The following HCFC2 variants were observed in gnomAD, a reference collection of about 807,000 sequenced individuals.
HCFC2 encodes host cell factor 2.
In HCFC2, 18 loss-of-function variants were observed where a neutral mutation model predicts 89.2. That is an observed-to-expected ratio of 0.20 (90% confidence interval 0.14 to 0.30). The LOEUF (loss-of-function observed/expected upper bound fraction) is 0.30. Ranked by LOEUF, HCFC2 falls within the 10% of genes least tolerant of loss-of-function variation. The pLI is 1.00. For missense variants in HCFC2, 578 were observed against 956.1 expected, an observed-to-expected ratio of 0.60 and a Z score of 5.21; for synonymous variants, 308 against 335.7, an observed-to-expected ratio of 0.92 and a Z score of 0.90.
chr12:104,068,196 G>A lies in HCFC2; in HGVS notation c.473+89G>A. The A allele has an allele frequency of 8.6e-7, 1 of 1,160,088 alleles. No homozygotes were observed. The highest frequency in any genetic ancestry group is 2.7e-5 in the East Asian group (1 of 37,498). 71.9% of individuals were successfully genotyped at this position (1,160,088 alleles called of 1,614,324 possible). ...TCCATCTTTAATTTTTAAAAGGGAT[G>A]ATGCTTAGCTTTTTGCATTTCAACC... On this transcript the variant is annotated intron_variant, in intron 3 of 14. Coordinates refer to ENST00000229330, the MANE Select transcript of HCFC2 (RefSeq NM_013320.3). This position sits in a 1 kb window ranked among gnomAD's most constrained non-coding sequence, Gnocchi z 4.1.
intron 10 of HCFC2, among the ~76,000 whole-genome samples, chr12:104,094,121 T>A (rs1057175693): frequency 6.6e-6 from 1 of 152,168 alleles, no homozygotes; most frequent in African/African-American, 2.4e-5. Context: ...GAACAGATTT[T>A]GGAAAAGATA....
chr12:104,100,446 G>A (rs372920947), intron 13 of HCFC2, among the ~76,000 whole-genome samples: 3 of 151,950 alleles, frequency 2.0e-5, no homozygotes, highest in Non-Finnish European at 2.9e-5. Flanking sequence ...GGCAAGGTAC[G>A]TGCCTCTGCT....
At chr12:104,066,465 T>C in intron 2 of HCFC2, 150 bp downstream of exon 2, 1 of 604,488 alleles carries the variant, frequency 1.7e-6, no homozygotes, top group Non-Finnish European at 2.7e-6. Context: ...ATTCAAGTAA[T>C]ATTATTCAAG....
intron 3 of HCFC2, among the ~76,000 whole-genome samples, chr12:104,077,409 A>AT (rs1487141338): frequency 6.6e-6 from 1 of 151,242 alleles, no homozygotes; most frequent in Non-Finnish European, 1.5e-5. Context: ...CGCCCAGCTA[A>AT]TTTTTTGTAT....
In HCFC2 at chr12:104,064,614, G is replaced by A. The variant is rs139326943; in HGVS notation, c.54G>A (p.Pro18=). The change falls in exon 1 of 15, where the codon CCG becomes CCA. Residue 18 remains proline, a synonymous_variant. Coordinates refer to ENST00000229330, the MANE Select transcript of HCFC2 (RefSeq NM_013320.3). The surrounding 1 kb of genome is among the most constrained non-coding windows in gnomAD (Gnocchi z 7.3). ...GGCGAGTTTCTTCCTTCACGGGGCC[G>A]GTCCCCCGCGCCCGGCACGGACACC... is the stretch of plus-strand genomic sequence containing the variant. ...NWRRVSSFTG[P]VPRARHGHRA... The A allele has an allele frequency of 9.5e-6, 15 of 1,576,898 alleles. No homozygotes were observed. In the African/African-American group the frequency reaches 1.8e-4, roughly 19 times the overall value.
At chr12:104,102,297 A>T in intron 14 of HCFC2, 144 bp downstream of exon 14, 1 of 748,450 alleles carries the variant, frequency 1.3e-6, no homozygotes, top group East Asian at 2.7e-5. Context: ...TTAAAAAATA[A>T]TTTTAGCTAA....
At chr12:104,077,256 T>G (rs1235541023) in intron 3 of HCFC2, among the ~76,000 whole-genome samples, 3 of 152,074 alleles carry the variant, frequency 2.0e-5, no homozygotes, top group Non-Finnish European at 2.9e-5. Flanking sequence ...TTTTGTTTTT[T>G]TTTTGAGACG....
chr12:104,090,729 T>A (rs563183912), intron 9 of HCFC2, among the ~76,000 whole-genome samples: 1 of 152,312 alleles, frequency 6.6e-6, no homozygotes, highest in South Asian at 2.1e-4. Context: ...CTGCTCTTTG[T>A]TATGTTTCTT....
chr12:104,090,055 T>G (rs968072111), intron 9 of HCFC2, among the ~76,000 whole-genome samples: 2 of 152,202 alleles, frequency 1.3e-5, no homozygotes, highest in Non-Finnish European at 2.9e-5. Flanking sequence ...TTTCCTGTGT[T>G]ACAGCCCATA....
Position 104,079,696 on chromosome 12 carries a change from A to G in HCFC2, c.682+43A>G, listed in dbSNP as rs17035201. On this transcript the variant is annotated intron_variant, in intron 4 of 14. Transcript: ENST00000229330. ...CAGGCTCAGGAATAGGGCAAATTAA[A>G]AAATGCTTTGAAAAATATTATTGAT... is the stretch of plus-strand genomic sequence containing the variant. The G allele has an allele frequency of 5.3e-3, 7,614 of 1,443,714 alleles. 321 individuals carry two copies. In the African/African-American group the frequency reaches 0.091, roughly 17 times the overall value. The allele number at this position is 1,443,714 out of a possible 1,614,324, so 89.4% of individuals were successfully genotyped here.
chr12:104,093,269 G>C, intron 9 of HCFC2, 117 bp from the exon 10 acceptor site: 4 of 596,510 alleles, frequency 6.7e-6, no homozygotes, highest in Non-Finnish European at 8.3e-6. Context: ...GTAATTTTTA[G>C]GTGTTTTCTA....
Position 104,104,835 on chromosome 12 carries a change from A to G in HCFC2, c.*1562A>G, listed in dbSNP as rs1264545153. On this transcript the variant is annotated 3_prime_UTR_variant, in exon 15 of 15. Transcript: ENST00000229330. ...TTTCCAAACTCTAAAGATAAAATAAATGCACTACTATGGTGTTGTTAGAAT... is the reference window on the plus strand; with the variant it reads ...TTTCCAAACTCTAAAGATAAAATAAGTGCACTACTATGGTGTTGTTAGAAT... The G allele has an allele frequency of 6.6e-6, 1 of 152,044 alleles. No homozygotes were observed. Among genetic ancestry groups the G allele is most frequent in the Non-Finnish European group, 1.5e-5 (1 of 67,884 alleles). 9.4% of individuals were successfully genotyped at this position (152,044 alleles called of 1,614,324 possible).
chr12:104,072,787 C>T (rs113128264), intron 3 of HCFC2, among the ~76,000 whole-genome samples: 3,255 of 151,920 alleles, frequency 0.021, 116 homozygotes, highest in African/African-American at 0.074. Flanking sequence ...GGACTACAGG[C>T]GCCCGCCACC....
intron 1 of HCFC2, 151 bp from the exon 2 acceptor site, chr12:104,066,016 A>G (rs1001477823): frequency 1.4e-6 from 1 of 723,008 alleles, no homozygotes; most frequent in Non-Finnish European, 2.3e-6. Context: ...AGTTGTGACA[A>G]CTAAAAATGT....
intron 10 of HCFC2, among the ~76,000 whole-genome samples, chr12:104,094,455 C>T (rs1884117836): frequency 6.6e-6 from 1 of 152,044 alleles, no homozygotes; most frequent in Non-Finnish European, 1.5e-5. Context: ...TGCCTTATTT[C>T]ACCATTATAA....
chr12:104,080,728 A>T lies in HCFC2; in HGVS notation c.683-18A>T. ...TCTTGTTAGATCAAGTTGCTAATATAATTATTTTTACTTTTAGAAACTATG... is the reference window on the plus strand; with the variant it reads ...TCTTGTTAGATCAAGTTGCTAATATTATTATTTTTACTTTTAGAAACTATG... On this transcript the variant is annotated intron_variant, in intron 4 of 14. Coordinates refer to ENST00000229330, the MANE Select transcript of HCFC2 (RefSeq NM_013320.3). 1 of 1,485,628 alleles carries T rather than the reference A, an allele frequency of 6.7e-7. No homozygotes were observed. The highest frequency in any genetic ancestry group is 9.2e-7 in the Non-Finnish European group (1 of 1,083,878). 92.0% of individuals were successfully genotyped at this position (1,485,628 alleles called of 1,614,324 possible). A position where few individuals can be genotyped will look rare whatever the true frequency, so the allele number is the denominator to read the frequency against.
Position 104,103,463 on chromosome 12 carries a change from A to T in HCFC2, c.*190A>T, listed in dbSNP as rs1714679400. ...AAAGAAAAGAAGCAAAGACTCTCTGAAAATTAGTATATGAGTTCTTCCTTA... is the reference window on the plus strand; with the variant it reads ...AAAGAAAAGAAGCAAAGACTCTCTGTAAATTAGTATATGAGTTCTTCCTTA... On this transcript the variant is annotated 3_prime_UTR_variant, in exon 15 of 15. Coordinates refer to ENST00000229330, the MANE Select transcript of HCFC2 (RefSeq NM_013320.3). 1.8e-6 allele frequency: 1 copy of T among 556,902 alleles called. No individual in the cohort carries two copies. The highest frequency in any genetic ancestry group is 3.3e-5 in the Admixed American group (1 of 30,386). 34.5% of individuals were successfully genotyped at this position (556,902 alleles called of 1,614,324 possible).
intron 9 of HCFC2, among the ~76,000 whole-genome samples, chr12:104,090,708 G>A (rs930559095): frequency 6.7e-6 from 1 of 148,970 alleles, no homozygotes. Context: ...CAAAAATTTT[G>A]GAGTTTTAGT....
intron 9 of HCFC2, among the ~76,000 whole-genome samples, chr12:104,090,768 G>A (rs1385417918): frequency 6.6e-6 from 1 of 150,662 alleles, no homozygotes; most frequent in Non-Finnish European, 1.5e-5. Flanking sequence ...ATTTTTCAAT[G>A]TGTTTTAACC....
Sources: gnomAD v4.1 joint callset for allele counts (sites outside exome capture counted in the v4.1 genomes callset) on GRCh38, gnomAD v4.1.1 for gene constraint, Gnocchi (gnomAD v3.1) non-coding constraint, MANE v1.5 for transcripts, NCBI Gene and HGNC (gene_info 2026-07-23, HGNC 2026-07-21) for gene names.